Variants in MAST4 observed in about 807,000 individuals in gnomAD.
The protein encoded by MAST4 is microtubule-associated serine/threonine-protein kinase 4.
In MAST4, 89 loss-of-function variants were observed where a neutral mutation model predicts 162.7. That is an observed-to-expected ratio of 0.55 (90% CI 0.46 to 0.65). MAST4 has a LOEUF of 0.65. Ranked by LOEUF, MAST4 falls within the 30% of genes least tolerant of loss-of-function variation. The pLI is 0.00. For missense variants in MAST4, 3,153 were observed against 3,374.0 expected, an observed-to-expected ratio of 0.93 and a Z score of 1.62; for synonymous variants, 1,479 against 1,361.1, an observed-to-expected ratio of 1.09 and a Z score of -1.91.
chr5:67,032,280 A>G (rs1321240681), intron 4 of MAST4, among the ~76,000 whole-genome samples: 34 of 152,192 alleles, frequency 2.2e-4, no homozygotes, highest in Admixed American at 2.2e-3. Context: ...GTAAAATGGA[A>G]ACTTCCACTA....
chr5:66,706,542 T>C (rs551557911), intron 1 of MAST4, among the ~76,000 whole-genome samples: 19 of 152,334 alleles, frequency 1.2e-4, no homozygotes, highest in Admixed American at 1.2e-3. Context: ...TGCTGAATGA[T>C]ATTCCACAAA....
chr5:67,008,869 A>T (rs902139420), intron 4 of MAST4, among the ~76,000 whole-genome samples: 1 of 152,176 alleles, frequency 6.6e-6, no homozygotes, highest in South Asian at 2.1e-4. Context: ...TGAATTTTTT[A>T]TGCATTCGGC....
intron 5 of MAST4, among the ~76,000 whole-genome samples, chr5:67,082,814 A>G (rs1762825926): frequency 6.6e-6 from 1 of 152,216 alleles, no homozygotes; most frequent in African/African-American, 2.4e-5. Context: ...GAGAAATAGT[A>G]ATAAAGTAAT....
At chr5:66,966,616 C>T (rs183567888) in intron 4 of MAST4, among the ~76,000 whole-genome samples, 1 of 152,172 alleles carries the variant, frequency 6.6e-6, no homozygotes, top group Non-Finnish European at 1.5e-5. Flanking sequence ...CACTGACAGA[C>T]CTGAAGGTGG....
intron 1 of MAST4, among the ~76,000 whole-genome samples, chr5:66,687,188 G>T (rs1468482694): frequency 1.3e-5 from 2 of 152,020 alleles, no homozygotes; most frequent in Admixed American, 6.5e-5. Flanking sequence ...CCCGAATAGT[G>T]AACATTGTAC....
chr5:66,901,029 G>A (rs1762976610), intron 4 of MAST4, among the ~76,000 whole-genome samples: 1 of 152,064 alleles, frequency 6.6e-6, no homozygotes, highest in Non-Finnish European at 1.5e-5. Context: ...AAAATAGTTT[G>A]CTGTAGGAAA....
intron 1 of MAST4, among the ~76,000 whole-genome samples, chr5:66,608,975 C>A (rs756446443): frequency 2.6e-5 from 4 of 151,506 alleles, no homozygotes; most frequent in Non-Finnish European, 5.9e-5. Flanking sequence ...AGATATTGTT[C>A]TAGATGGAAT....
At chr5:66,938,591 C>T (rs577161584) in intron 4 of MAST4, among the ~76,000 whole-genome samples, 14 of 152,098 alleles carry the variant, frequency 9.2e-5, no homozygotes, top group African/African-American at 1.9e-4. Context: ...GGAACAGGGC[C>T]GAATCTGAGA....
Position 67,131,963 on chromosome 5 carries a change from A to C in MAST4, c.2093+12A>C. ...TTGAAACCAGACAAGTATGTACACA[A>C]ATGAAATATATGTCTTCTTTTGCCC... On this transcript the variant is annotated intron_variant, in intron 16 of 28. Transcript: ENST00000403625. The C allele has an allele frequency of 6.2e-7, 1 of 1,608,886 alleles. No homozygotes were observed. Among genetic ancestry groups the C allele is most frequent in the Non-Finnish European group, 8.5e-7 (1 of 1,177,096 alleles).
chr5:67,104,697 G>GAAAA, intron 10 of MAST4, 122 bp downstream of exon 10: 4 of 483,476 alleles, frequency 8.3e-6, no homozygotes, highest in Non-Finnish European at 7.2e-6. Flanking sequence ...AAAAAAGAAG[G>GAAAA]AAAAAAAAAA....
At chr5:66,680,253 T>G (rs903789258) in intron 1 of MAST4, among the ~76,000 whole-genome samples, 6 of 152,250 alleles carry the variant, frequency 3.9e-5, no homozygotes, top group African/African-American at 1.4e-4. Flanking sequence ...GGCAGAGTTC[T>G]GTTGACTTTG....
intron 4 of MAST4, among the ~76,000 whole-genome samples, chr5:67,030,399 T>C (rs894837957): frequency 6.6e-6 from 1 of 152,172 alleles, no homozygotes; most frequent in African/African-American, 2.4e-5. Flanking sequence ...ATCTGATGTT[T>C]ATTAGATAGC....
chr5:66,755,746 T>A (rs754099702), intron 1 of MAST4, among the ~76,000 whole-genome samples: 1 of 152,248 alleles, frequency 6.6e-6, no homozygotes, highest in Non-Finnish European at 1.5e-5. Flanking sequence ...AATTAACATA[T>A]GTATTACCTC....
chr5:66,726,973 T>C (rs1751562448), intron 1 of MAST4, among the ~76,000 whole-genome samples: 1 of 151,970 alleles, frequency 6.6e-6, no homozygotes, highest in African/African-American at 2.4e-5. Flanking sequence ...CCATACAATA[T>C]AGTGGAGAAG....
At chr5:66,719,254 G>A (rs969942144) in intron 1 of MAST4, among the ~76,000 whole-genome samples, 2 of 152,190 alleles carry the variant, frequency 1.3e-5, no homozygotes, top group Non-Finnish European at 2.9e-5. Context: ...AACCTAATGA[G>A]TTGTAAGAAA....
chr5:66,606,025 C>G (rs1742859371), intron 1 of MAST4, among the ~76,000 whole-genome samples: 1 of 152,142 alleles, frequency 6.6e-6, no homozygotes, highest in South Asian at 2.1e-4. Flanking sequence ...AAAATCATAT[C>G]ATTTTATATT....
At chr5:66,711,843 C>CA (rs1229152700) in intron 1 of MAST4, among the ~76,000 whole-genome samples, 2 of 151,932 alleles carry the variant, frequency 1.3e-5, no homozygotes. Flanking sequence ...CCCCACCCCC[C>CA]AAAAAAAGAT....
intron 4 of MAST4, among the ~76,000 whole-genome samples, chr5:66,926,769 A>C (rs1764939385): frequency 6.6e-6 from 1 of 152,184 alleles, no homozygotes; most frequent in Non-Finnish European, 1.5e-5. Flanking sequence ...AAAAGGAAAG[A>C]AAATGTTAAA....
intron 7 of MAST4, among the ~76,000 whole-genome samples, chr5:67,099,638 C>A (rs1207725335): frequency 6.6e-6 from 1 of 152,076 alleles, no homozygotes; most frequent in Non-Finnish European, 1.5e-5. Context: ...TTACCTCTGA[C>A]TGAAAATGAA....
Sources: gnomAD v4.1 joint callset for allele counts (sites outside exome capture counted in the v4.1 genomes callset) on GRCh38, gnomAD v4.1.1 for gene constraint, MANE v1.5 for transcripts, NCBI Gene and HGNC (gene_info 2026-07-23, HGNC 2026-07-21) for gene names.